Variants in PRKAR1B observed in about 807,000 individuals in gnomAD.
PRKAR1B encodes cAMP-dependent protein kinase type I-beta regulatory subunit.
In PRKAR1B, 22 loss-of-function variants were observed where a neutral mutation model predicts 46.5. The observed-to-expected ratio is 0.47, with a 90% CI of 0.34 to 0.68. PRKAR1B has a LOEUF of 0.68. Among genes scored for constraint, PRKAR1B ranks in the 30% least tolerant of loss-of-function variants. The pLI, the probability that PRKAR1B is intolerant of heterozygous loss-of-function variation, is 0.01. For synonymous variants in PRKAR1B, 259 were observed against 217.7 expected (o/e 1.19, Z -1.67); for missense variants, 445 against 535.6 (o/e 0.83, Z 1.67).
intron 8 of PRKAR1B, among the ~76,000 whole-genome samples, chr7:583,850 C>G (rs1780444792): frequency 6.6e-6 from 1 of 152,098 alleles, no homozygotes. Flanking sequence ...GCACACTCAC[C>G]CCCACACACC....
chr7:677,725 C>A (rs113150217), intron 3 of PRKAR1B, among the ~76,000 whole-genome samples: 1,607 of 152,252 alleles, frequency 0.011, 24 homozygotes, highest in Middle Eastern at 0.031. Context: ...CCGCACCCAG[C>A]CTCTTGTTAC....
intron 4 of PRKAR1B, among the ~76,000 whole-genome samples, chr7:627,615 T>G (rs1034347126): frequency 7.9e-5 from 12 of 152,158 alleles, no homozygotes; most frequent in Non-Finnish European, 1.5e-5. Context: ...ACCCCAGTAC[T>G]GAGCTTGACA....
chr7:598,291 CCCTCCA>C (rs1175203790), intron 6 of PRKAR1B, among the ~76,000 whole-genome samples: 2,664 of 146,982 alleles, frequency 0.018, 44 homozygotes, highest in East Asian at 0.026. Flanking sequence ...CCATCGCCCT[CCCTCCA>C]GCACCCTCCA....
At chr7:595,345 G>A (rs575885454) in intron 7 of PRKAR1B, among the ~76,000 whole-genome samples, 1 of 152,120 alleles carries the variant, frequency 6.6e-6, no homozygotes, top group Non-Finnish European at 1.5e-5. Context: ...GCCCCACTCC[G>A]TCTGCCTCCA....
chr7:727,081 C>T, intron 1 of PRKAR1B, 129 bp downstream of exon 1: 1 of 1,045,472 alleles, frequency 9.6e-7, no homozygotes, highest in East Asian at 8.1e-5. Flanking sequence ...GCTGCCCGCG[C>T]TCGCCGCGCG....
At chr7:720,531 C>T (rs1483736823) in intron 1 of PRKAR1B, among the ~76,000 whole-genome samples, 1 of 152,188 alleles carries the variant, frequency 6.6e-6, no homozygotes, top group East Asian at 1.9e-4. Context: ...TCTGCTATAC[C>T]TTAATGACTA....
intron 2 of PRKAR1B, among the ~76,000 whole-genome samples, chr7:700,049 G>C (rs953168385): frequency 6.6e-6 from 1 of 152,164 alleles, no homozygotes; most frequent in Admixed American, 6.5e-5. Context: ...CTCTTGCATG[G>C]AGAATGTGAG....
intron 9 of PRKAR1B, among the ~76,000 whole-genome samples, chr7:562,533 C>G (rs558277452): frequency 6.6e-6 from 1 of 152,198 alleles, no homozygotes; most frequent in East Asian, 1.9e-4. Flanking sequence ...GCCTGGAACG[C>G]GTCCCTTCCA....
In PRKAR1B at chr7:711,211, A is replaced by T. The variant is rs533047138; in HGVS notation, c.177+118T>A. On this transcript the variant is annotated intron_variant, in intron 2 of 10. Coordinates refer to ENST00000537384, the MANE Select transcript of PRKAR1B (RefSeq NM_001164760.2). ...TCTGGAAGGACCTGCAGGACGGCAG[A>T]CAGTCTCTGGGGCACCCAGCCTTCG... The T allele has an allele frequency of 2.5e-4, 349 of 1,379,620 alleles. No homozygotes were observed. The African/African-American group carries it at 4.4e-3, about 17-fold the overall frequency. The allele number at this position is 1,379,620 out of a possible 1,614,324, so 85.5% of individuals were successfully genotyped here. A position where few individuals can be genotyped will look rare whatever the true frequency, so the allele number is the denominator to read the frequency against.
At chr7:616,882 T>C (rs1006064520) in intron 4 of PRKAR1B, among the ~76,000 whole-genome samples, 2 of 152,184 alleles carry the variant, frequency 1.3e-5, no homozygotes. Context: ...GGGCCCTTTA[T>C]TCTCCATCCA....
chr7:572,867 G>A (rs1490303839), intron 9 of PRKAR1B, among the ~76,000 whole-genome samples: 1 of 152,262 alleles, frequency 6.6e-6, no homozygotes, highest in Admixed American at 6.5e-5. Flanking sequence ...TTTAGAAACT[G>A]CTGGAGGAAG....
chr7:726,940 G>C, intron 1 of PRKAR1B: 4 of 1,340,196 alleles, frequency 3.0e-6, no homozygotes, highest in Non-Finnish European at 3.8e-6. Context: ...GGGCCCCTGG[G>C]CGCGCCTACT....
intron 9 of PRKAR1B, among the ~76,000 whole-genome samples, chr7:574,211 C>T (rs1011967166): frequency 6.6e-6 from 1 of 152,238 alleles, no homozygotes; most frequent in African/African-American, 2.4e-5. Context: ...GCCACAGCTA[C>T]CCATTCTCTC....
rs554616004 is a variant in PRKAR1B, at chr7:568,657, C to T, written c.891+10599G>A. 6.6e-5 allele frequency among the ~76,000 whole-genome samples: 10 copies of T among 152,322 alleles called. No homozygotes were observed. In the South Asian group the frequency reaches 1.0e-3, roughly 16 times the overall value. On this transcript the variant is annotated intron_variant, in intron 9 of 10. Coordinates refer to ENST00000537384, the MANE Select transcript of PRKAR1B (RefSeq NM_001164760.2). ...CAGCCACCACGGCCAGCCCCTGCTG[C>T]GGGGGGTGGACGACCGTGGGGTGCT... is the stretch of plus-strand genomic sequence containing the variant.
In PRKAR1B at chr7:560,241, T is replaced by C. The variant is rs889873526; in HGVS notation, c.892-8771A>G. Among the ~76,000 whole-genome samples, 7 of 152,182 alleles carry C rather than the reference T, an allele frequency of 4.6e-5. No homozygotes were observed. The highest frequency in any genetic ancestry group is 1.7e-4 in the African/African-American group (7 of 41,506). Reference sequence around the variant, plus strand: ...TGTGAAGAGGTACCTTCCACCATGATTGTAAGTTTCCTGAGACCTCCCCAG... The same window carrying C: ...TGTGAAGAGGTACCTTCCACCATGACTGTAAGTTTCCTGAGACCTCCCCAG... On this transcript the variant is annotated intron_variant, in intron 9 of 10. Coordinates refer to ENST00000537384, the MANE Select transcript of PRKAR1B (RefSeq NM_001164760.2). This position sits in a 1 kb window ranked among gnomAD's most constrained non-coding sequence, Gnocchi z 4.2.
chr7:584,201 T>TG (rs1217145308), intron 8 of PRKAR1B, among the ~76,000 whole-genome samples: 1 of 152,022 alleles, frequency 6.6e-6, no homozygotes, highest in Non-Finnish European at 1.5e-5. Context: ...GAGGGAAGGC[T>TG]GGGGGCGCGG....
chr7:717,793 G>A (rs761957494), intron 1 of PRKAR1B, among the ~76,000 whole-genome samples: 34 of 152,132 alleles, frequency 2.2e-4, no homozygotes, highest in Non-Finnish European at 7.4e-5. Context: ...TGGCTCCTGG[G>A]TGTGGCAGGC....
chr7:654,273 T>C (rs1785069879), intron 4 of PRKAR1B, among the ~76,000 whole-genome samples: 1 of 148,540 alleles, frequency 6.7e-6, no homozygotes, highest in Non-Finnish European at 1.5e-5. Flanking sequence ...CTCATCACCA[T>C]CTTCACCACC....
intron 4 of PRKAR1B, among the ~76,000 whole-genome samples, chr7:632,076 C>T (rs1187644575): frequency 6.6e-6 from 1 of 152,198 alleles, no homozygotes; most frequent in South Asian, 2.1e-4. Flanking sequence ...GAAGACCGAG[C>T]TCACGTGTGA....
Sources: gnomAD v4.1 joint callset for allele counts (sites outside exome capture counted in the v4.1 genomes callset) on GRCh38, gnomAD v4.1.1 for gene constraint, Gnocchi (gnomAD v3.1) non-coding constraint, MANE v1.5 for transcripts, NCBI Gene and HGNC (gene_info 2026-07-23, HGNC 2026-07-21) for gene names.